BMP2K: variants seen among roughly 807,000 people sequenced by gnomAD.
The protein encoded by BMP2K is BMP2 inducible kinase, also known as BMP-2-inducible protein kinase.
BMP2K carries 74 observed loss-of-function variants against 116.0 expected under a neutral mutation model. The ratio of observed to expected loss-of-function variants is 0.64; its 90% CI spans 0.53 to 0.77. The LOEUF (loss-of-function observed/expected upper bound fraction) is 0.77. BMP2K is among the 30% of genes least tolerant of loss of function. The pLI is 0.00. For missense variants in BMP2K, 1,365 were observed against 1,403.6 expected (o/e 0.97, Z 0.44); for synonymous variants, 486 against 502.5 (o/e 0.97, Z 0.44).
At chr4:78,813,989 A>G (rs1366313021) in intron 1 of BMP2K, among the ~76,000 whole-genome samples, 1 of 152,226 alleles carries the variant, frequency 6.6e-6, no homozygotes, top group Non-Finnish European at 1.5e-5. Flanking sequence ...GAATGAATAA[A>G]TGAATTACTA....
chr4:78,911,852 G>A lies in BMP2K; in HGVS notation c.3305G>A (p.Arg1102Gln), dbSNP rs1734638231. Residue 1102 changes from arginine to glutamine, a missense_variant, in exon 16 of 16, where the codon CGG becomes CAG. Physicochemically the swap from Arg to Gln is conservative, Grantham distance 43 (BLOSUM62 1). Around this residue, in one of 3 missense-constraint regions of BMP2K, gnomAD observed 596 missense variants for 623.2 expected, o/e 0.96. Transcript: ENST00000502613. ...RADHNTVLPGRPRQNSLHGSF... is the reference protein window; with the variant it reads ...RADHNTVLPGQPRQNSLHGSF... ...GATCACAATACTGTCCTGCCAGGGC[G>A]GCCAAGACAAAATTCACTACATGGG... The A allele has an allele frequency of 1.9e-6, 3 of 1,613,910 alleles. No homozygotes were observed. The highest frequency in any genetic ancestry group is 2.5e-6 in the Non-Finnish European group (3 of 1,179,866).
At chr4:78,836,984 G>A (rs1315028577) in intron 3 of BMP2K, among the ~76,000 whole-genome samples, 1 of 151,984 alleles carries the variant, frequency 6.6e-6, no homozygotes, top group Non-Finnish European at 1.5e-5. Context: ...TATGCTTTTT[G>A]TGGCGTTTTT....
intron 1 of BMP2K, among the ~76,000 whole-genome samples, chr4:78,821,379 A>G (rs1729609558): frequency 6.6e-6 from 1 of 152,176 alleles, no homozygotes; most frequent in Admixed American, 6.5e-5. Flanking sequence ...TTCCCAGAAA[A>G]AAAACACTGT....
chr4:78,790,638 T>C (rs564334556), intron 1 of BMP2K, among the ~76,000 whole-genome samples: 1 of 152,330 alleles, frequency 6.6e-6, no homozygotes, highest in African/African-American at 2.4e-5. Context: ...ATTTTTCTAA[T>C]ATTTTTCAAA....
Position 78,871,922 on chromosome 4 carries a change from C to A in BMP2K, c.1582C>A (p.Pro528Thr). Reference sequence around the variant, plus strand: ...AATGCATTCGGTATATCAACCACAACCTTCTGCATCACAGTATCCTACAAT... The same window carrying A: ...AATGCATTCGGTATATCAACCACAAACTTCTGCATCACAGTATCCTACAAT... ...FLMHSVYQPQ[P>T]SASQYPTMMP... Residue 528 changes from proline (P) to threonine (T), a missense_variant, in exon 12 of 16, where the codon CCT becomes ACT. Transcript: ENST00000502613. The A allele has an allele frequency of 6.2e-7, 1 of 1,610,694 alleles. No individual in the cohort carries two copies. Among genetic ancestry groups the A allele is most frequent in the East Asian group, 2.2e-5 (1 of 44,620 alleles).
intron 14 of BMP2K, among the ~76,000 whole-genome samples, chr4:78,884,306 G>A (rs1225878997): frequency 6.6e-6 from 1 of 152,116 alleles, no homozygotes; most frequent in Non-Finnish European, 1.5e-5. Context: ...TAGGTTGGGT[G>A]AAAGAGTGAG....
chr4:78,868,723 A>C (rs976224744), intron 10 of BMP2K, among the ~76,000 whole-genome samples: 2 of 152,136 alleles, frequency 1.3e-5, no homozygotes, highest in African/African-American at 4.8e-5. Flanking sequence ...TACAGCGCCC[A>C]TACAAGTCTG....
intron 2 of BMP2K, among the ~76,000 whole-genome samples, chr4:78,829,787 T>TTCTCTTCTCTTCTCTTCTCTTCTC (rs1730090588): frequency 5.1e-4 from 44 of 86,642 alleles, no homozygotes; most frequent in South Asian, 9.3e-4. Flanking sequence ...TTTCTTTTCT[T>TTCTCTTCTCTTCTCTTCTCTTCTC]TTCTCTTCTC....
At chr4:78,910,466 C>T (rs17003499) in intron 15 of BMP2K, 144 bp from the exon 16 acceptor site, 43,598 of 697,828 alleles carry the variant, frequency 0.062, 2,164 homozygotes, top group East Asian at 0.24. Context: ...AGTCTAATGA[C>T]GAAGAATTGA....
At chr4:78,887,395 G>C (rs1012245011) in intron 15 of BMP2K, 111 bp downstream of exon 15, 3 of 786,332 alleles carry the variant, frequency 3.8e-6, no homozygotes, top group Non-Finnish European at 4.2e-6. Context: ...ACAGAAAGTA[G>C]AAAATATTTT....
At chr4:78,811,423 T>A (rs978180511) in intron 1 of BMP2K, among the ~76,000 whole-genome samples, 1 of 152,224 alleles carries the variant, frequency 6.6e-6, no homozygotes, top group East Asian at 1.9e-4. Flanking sequence ...TATATTAAAG[T>A]TATGGTTATA....
chr4:78,826,363 G>GGT, intron 2 of BMP2K, among the ~76,000 whole-genome samples: 1 of 152,084 alleles, frequency 6.6e-6, no homozygotes, highest in Admixed American at 6.6e-5. Flanking sequence ...CACCATACCT[G>GGT]GCTAATTTTT....
chr4:78,865,672 C>T lies in BMP2K; in HGVS notation c.1183C>T (p.Pro395Ser), dbSNP rs898302429. The T allele has an allele frequency of 1.2e-6, 2 of 1,613,988 alleles. No individual in the cohort carries two copies. Among genetic ancestry groups the T allele is most frequent in the African/African-American group, 2.7e-5 (2 of 74,914 alleles). ...SVLTIQSSAT[P>S]VKVLAPGEFG... ...GCTGACCATTCAAAGTTCAGCAACA[C>T]CTGTTAAAGTCCTTGCTCCTGGTGA... Residue 395 changes from proline (P) to serine (S), a missense_variant, in exon 10 of 16, where the codon CCT (proline) becomes TCT (serine). Coordinates refer to ENST00000502613, the MANE Select transcript of BMP2K (RefSeq NM_198892.2).
At chr4:78,801,719 A>G (rs1728575906) in intron 1 of BMP2K, among the ~76,000 whole-genome samples, 1 of 152,186 alleles carries the variant, frequency 6.6e-6, no homozygotes, top group Non-Finnish European at 1.5e-5. Flanking sequence ...GGTTTATCCC[A>G]GTAAGACTAA....
intron 7 of BMP2K, among the ~76,000 whole-genome samples, chr4:78,852,809 GC>G (rs35878315): frequency 6.6e-6 from 1 of 151,982 alleles, no homozygotes; most frequent in African/African-American, 2.4e-5. Context: ...TTTGCTGTAT[GC>G]CCAGGCTGGT....
intron 15 of BMP2K, among the ~76,000 whole-genome samples, chr4:78,890,958 G>A (rs1733400980): frequency 6.6e-6 from 1 of 152,166 alleles, no homozygotes; most frequent in Non-Finnish European, 1.5e-5. Context: ...ATTTTGGGAG[G>A]CTGAGGTGGG....
Position 78,818,914 on chromosome 4 carries a change from C to T in BMP2K, c.179-7123C>T, listed in dbSNP as rs898864903. On this transcript the variant is annotated intron_variant, in intron 1 of 15. Transcript: ENST00000502613. ...TAGGATCAAGCGATTCTTGTGCTTC[C>T]GCCTCCTGAGTTGTTGGGATTACAA... Among the ~76,000 whole-genome samples, 10 of 151,648 alleles carry T rather than the reference C, an allele frequency of 6.6e-5. 1 individual carries two copies. The highest frequency in any genetic ancestry group is 1.9e-4 in the East Asian group (1 of 5,136).
intron 15 of BMP2K, among the ~76,000 whole-genome samples, chr4:78,907,638 A>G (rs1460400985): frequency 6.6e-6 from 1 of 152,198 alleles, no homozygotes; most frequent in Admixed American, 6.5e-5. Context: ...AGGGTTCATA[A>G]AATTAGATTC....
At chr4:78,804,800 G>T in intron 1 of BMP2K, among the ~76,000 whole-genome samples, 1 of 150,284 alleles carries the variant, frequency 6.7e-6, no homozygotes, top group East Asian at 1.9e-4. Context: ...AGGGATAAGC[G>T]TTCTTCATAG....
Sources: gnomAD v4.1 joint callset for allele counts (sites outside exome capture counted in the v4.1 genomes callset) on GRCh38, gnomAD v4.1.1 for gene constraint, gnomAD v4.1.1 regional missense constraint, MANE v1.5 for transcripts, NCBI Gene and HGNC (gene_info 2026-07-23, HGNC 2026-07-21) for gene names.